FAM227B: variants seen among roughly 807,000 people sequenced by gnomAD.
FAM227B encodes family with sequence similarity 227 member B.
In FAM227B, 88 loss-of-function variants were observed where a neutral mutation model predicts 73.8. The ratio of observed to expected loss-of-function variants is 1.19; its 90% CI spans 1.00 to 1.42. The LOEUF (loss-of-function observed/expected upper bound fraction) is 1.42, where lower values mean the gene tolerates loss of function less well. FAM227B is among the 40% of genes most tolerant of loss of function. The pLI is 0.00. For synonymous variants in FAM227B, 210 were observed against 190.5 expected, an observed-to-expected ratio of 1.10 and a Z score of -0.84; for missense variants, 632 against 590.9, an observed-to-expected ratio of 1.07 and a Z score of -0.72.
intron 13 of FAM227B, among the ~76,000 whole-genome samples, chr15:49,339,480 G>C (rs1472801946): frequency 6.6e-6 from 1 of 152,314 alleles, no homozygotes; most frequent in East Asian, 1.9e-4. Context: ...ATTGCTGCCT[G>C]TTCCTTCCTC....
intron 9 of FAM227B, among the ~76,000 whole-genome samples, chr15:49,565,985 T>C (rs1266640036): frequency 2.0e-5 from 3 of 152,180 alleles, no homozygotes; most frequent in African/African-American, 7.2e-5. Flanking sequence ...CCTAAAGACA[T>C]TGGTCCTGCT....
At chr15:49,609,923 T>C (rs1318912623) in intron 3 of FAM227B, among the ~76,000 whole-genome samples, 1 of 151,936 alleles carries the variant, frequency 6.6e-6, no homozygotes, top group African/African-American at 2.4e-5. Context: ...TGATAAAACT[T>C]GAAGGCTATA....
chr15:49,376,536 T>C (rs1035891953), intron 11 of FAM227B, among the ~76,000 whole-genome samples: 1 of 152,140 alleles, frequency 6.6e-6, no homozygotes, highest in African/African-American at 2.4e-5. Context: ...GTAGCAAGTT[T>C]TGAGATCAGG....
chr15:49,564,197 T>C (rs1002462184), intron 9 of FAM227B, among the ~76,000 whole-genome samples: 1 of 152,148 alleles, frequency 6.6e-6, no homozygotes, highest in Non-Finnish European at 1.5e-5. Context: ...CAGCCAATTC[T>C]CAAAAGAAGA....
intron 11 of FAM227B, among the ~76,000 whole-genome samples, chr15:49,498,015 C>T (rs2057776527): frequency 6.6e-6 from 1 of 152,214 alleles, no homozygotes; most frequent in South Asian, 2.1e-4. Context: ...TTTCCTCATT[C>T]ACCCTCATCT....
intron 5 of FAM227B, among the ~76,000 whole-genome samples, chr15:49,583,260 G>C (rs1440671916): frequency 1.3e-5 from 2 of 150,782 alleles, no homozygotes; most frequent in African/African-American, 2.4e-5. Context: ...GGAAAACAGA[G>C]AAGAATCAAA....
intron 13 of FAM227B, among the ~76,000 whole-genome samples, chr15:49,362,131 A>G (rs1452495828): frequency 6.6e-6 from 1 of 151,980 alleles, no homozygotes; most frequent in African/African-American, 2.4e-5. Flanking sequence ...CCTTATTAAC[A>G]TAGTTTGGCT....
Position 49,374,759 on chromosome 15 carries a change from G to C in FAM227B, c.1013-3360C>G, listed in dbSNP as rs150500639. 5.6e-3 allele frequency among the ~76,000 whole-genome samples: 860 copies of C among 152,272 alleles called. 7 individuals carry two copies. The highest frequency in any genetic ancestry group is 0.02 in the African/African-American group (820 of 41,540). The stretch of plus-strand genomic sequence containing the variant: ...GGGTTTGACCATGTTGGTCAGGCTG[G>C]TCTCGAACTCCTGACCTCAAAAGAT... On this transcript the variant is annotated intron_variant, in intron 11 of 15. Coordinates refer to ENST00000299338, the MANE Select transcript of FAM227B (RefSeq NM_152647.3).
At chr15:49,417,367 A>G (rs2049287724) in intron 11 of FAM227B, among the ~76,000 whole-genome samples, 1 of 151,744 alleles carries the variant, frequency 6.6e-6, no homozygotes, top group Non-Finnish European at 1.5e-5. Flanking sequence ...AGTCTGGGTG[A>G]CTCTCTTAAA....
intron 11 of FAM227B, among the ~76,000 whole-genome samples, chr15:49,382,023 T>C (rs1249230765): frequency 6.6e-6 from 1 of 152,094 alleles, no homozygotes; most frequent in East Asian, 1.9e-4. Flanking sequence ...TTTCTAAATG[T>C]ATAGAATAAA....
intron 5 of FAM227B, among the ~76,000 whole-genome samples, chr15:49,585,161 G>A (rs941572221): frequency 3.3e-5 from 5 of 152,104 alleles, no homozygotes; most frequent in African/African-American, 1.2e-4. Context: ...ACACCAGTTA[G>A]AATGGCAATC....
At chr15:49,414,830 A>G (rs2049104921) in intron 11 of FAM227B, among the ~76,000 whole-genome samples, 1 of 152,186 alleles carries the variant, frequency 6.6e-6, no homozygotes, top group African/African-American at 2.4e-5. Flanking sequence ...AATTAATATT[A>G]AAAACTATCG....
intron 2 of FAM227B, among the ~76,000 whole-genome samples, chr15:49,612,915 A>G (rs1348463474): frequency 1.3e-5 from 2 of 152,206 alleles, no homozygotes; most frequent in Non-Finnish European, 2.9e-5. Flanking sequence ...TGTGACAACC[A>G]TTATAGAAAA....
intron 11 of FAM227B, chr15:49,396,069 T>C (rs1158361517): frequency 2.5e-5 from 11 of 447,238 alleles, no homozygotes; most frequent in African/African-American, 4.0e-5. Context: ...GATTTCTGCA[T>C]TTCCATCTGA....
At chr15:49,401,243 T>C (rs992997378) in intron 11 of FAM227B, among the ~76,000 whole-genome samples, 1 of 152,196 alleles carries the variant, frequency 6.6e-6, no homozygotes, top group African/African-American at 2.4e-5. Context: ...AAAAAACACA[T>C]GAAAAAATGC....
chr15:49,579,598 G>C (rs1251258483), intron 5 of FAM227B, among the ~76,000 whole-genome samples: 1 of 152,160 alleles, frequency 6.6e-6, no homozygotes, highest in Non-Finnish European at 1.5e-5. Context: ...TTATTTCGTG[G>C]AGGTATAGAG....
At chr15:49,420,409 A>C (rs559895177) in intron 11 of FAM227B, among the ~76,000 whole-genome samples, 1 of 152,250 alleles carries the variant, frequency 6.6e-6, no homozygotes, top group South Asian at 2.1e-4. Flanking sequence ...TTAAAAAAAA[A>C]TACAAAAAAA....
At chr15:49,614,800 T>C (rs1598582260) in intron 2 of FAM227B, 1 of 282,968 alleles carries the variant, frequency 3.5e-6, no homozygotes, top group East Asian at 7.0e-5. Context: ...CTCCTCCTTC[T>C]TACCACCACT....
intron 8 of FAM227B, among the ~76,000 whole-genome samples, chr15:49,570,555 T>C (rs1027132571): frequency 6.6e-6 from 1 of 151,870 alleles, no homozygotes; most frequent in Non-Finnish European, 1.5e-5. Flanking sequence ...TGCAGTATAA[T>C]AGATCATTAA....
Sources: allele counts gnomAD v4.1 joint callset (sites outside exome capture counted in the v4.1 genomes callset), GRCh38; gene constraint gnomAD v4.1.1; transcripts MANE v1.5; gene names NCBI Gene and HGNC (gene_info 2026-07-23, HGNC 2026-07-21).